CNTLN: variants seen among roughly 807,000 people sequenced by gnomAD.
The protein encoded by CNTLN is centlein.
CNTLN carries 212 observed loss-of-function variants against 180.0 expected under a neutral mutation model. The ratio of observed to expected loss-of-function variants is 1.18; its 90% CI spans 1.05 to 1.32. The LOEUF (loss-of-function observed/expected upper bound fraction) is 1.32. Ranked by LOEUF, CNTLN falls within the 40% of genes most tolerant of loss-of-function variation. The pLI is 0.00. For synonymous variants in CNTLN, 722 were observed against 563.1 expected (o/e 1.28, Z -3.99); for missense variants, 2,095 against 1,610.9 (o/e 1.30, Z -5.14).
At chr9:17,504,208 T>C (rs1833888011), downstream of CNTLN, among the ~76,000 whole-genome samples, 1 of 152,194 alleles carries the variant, frequency 6.6e-6, no homozygotes, top group Non-Finnish European at 1.5e-5. Context: ...GATTTTGTTA[T>C]TGAATTGGAT....
intron 2 of CNTLN, among the ~76,000 whole-genome samples, chr9:17,218,178 T>C (rs1823889990): frequency 6.6e-6 from 1 of 152,166 alleles, no homozygotes; most frequent in African/African-American, 2.4e-5. Context: ...TACTGGAAAT[T>C]AAATATAATA....
At chr9:17,156,019 C>G (rs996839544) in intron 2 of CNTLN, among the ~76,000 whole-genome samples, 2 of 152,170 alleles carry the variant, frequency 1.3e-5, no homozygotes, top group African/African-American at 4.8e-5. Context: ...CCAGGTGAGG[C>G]GGTGCCCCAC....
At chr9:17,169,898 T>C (rs1281249203) in intron 2 of CNTLN, among the ~76,000 whole-genome samples, 2 of 152,204 alleles carry the variant, frequency 1.3e-5, no homozygotes, top group African/African-American at 4.8e-5. Flanking sequence ...TGCAGTTCCA[T>C]ATGAATTTTA....
At position 17,249,345 on chromosome 9, in the gene CNTLN, G is replaced by GTTTTTTTTTTTTTTTTTTTTTTTTTTTTT. The variant is rs558059269; in HGVS notation, c.849+12765_849+12766insTTTTTTTTTTTTTTTTTTTTTTTTTTTTT. On this transcript the variant is annotated intron_variant, in intron 5 of 25. Transcript: ENST00000380647. ...TCTTTGATCCATTGGTTCTTTGATT[G>GTTTTTTTTTTTTTTTTTTTTTTTTTTTTT]TTTTTTTTGTTTTTTTTTTTTGAGC... is the stretch of plus-strand genomic sequence containing the variant. Among the ~76,000 whole-genome samples the GTTTTTTTTTTTTTTTTTTTTTTTTTTTTT allele has an allele frequency of 4.0e-5, 5 of 124,914 alleles. 2 individuals are homozygous for GTTTTTTTTTTTTTTTTTTTTTTTTTTTTT. The highest frequency in any genetic ancestry group is 1.6e-4 in the Admixed American group (2 of 12,220). The allele number at this position is 124,914 out of a possible 152,430, so 81.9% of individuals were successfully genotyped here.
intron 2 of CNTLN, among the ~76,000 whole-genome samples, chr9:17,223,370 G>C (rs1210995043): frequency 6.6e-6 from 1 of 151,950 alleles, no homozygotes; most frequent in African/African-American, 2.4e-5. Context: ...ACTGATTCCA[G>C]ACTTTTTAAT....
intron 8 of CNTLN, among the ~76,000 whole-genome samples, chr9:17,312,524 C>A (rs1178208142): frequency 2.7e-5 from 4 of 148,504 alleles, no homozygotes; most frequent in Admixed American, 1.3e-4. Flanking sequence ...GTAGCTGGGA[C>A]TACAGGTGCC....
intron 24 of CNTLN, among the ~76,000 whole-genome samples, chr9:17,486,781 A>G (rs973577852): frequency 1.3e-5 from 2 of 152,156 alleles, no homozygotes; most frequent in Non-Finnish European, 2.9e-5. Context: ...ACTGTGAAGT[A>G]TATAAATATA....
chr9:17,213,962 T>C (rs1823530291), intron 2 of CNTLN, among the ~76,000 whole-genome samples: 1 of 152,188 alleles, frequency 6.6e-6, no homozygotes, highest in African/African-American at 2.4e-5. Flanking sequence ...GCAGGTGATA[T>C]GGGTCTTCTG....
At chr9:17,314,561 C>T (rs76653156) in intron 8 of CNTLN, among the ~76,000 whole-genome samples, 1 of 152,186 alleles carries the variant, frequency 6.6e-6, no homozygotes, top group Non-Finnish European at 1.5e-5. Context: ...TTGACTCTCT[C>T]TTTTCTGGAA....
At chr9:17,484,232 T>A in intron 23 of CNTLN, 63 bp from the exon 24 acceptor site, 1 of 1,272,328 alleles carries the variant, frequency 7.9e-7, no homozygotes, top group Non-Finnish European at 1.1e-6. Flanking sequence ...ATTTTTATGT[T>A]ATTACTGCTT....
At chr9:17,202,036 T>C (rs1025489199) in intron 2 of CNTLN, among the ~76,000 whole-genome samples, 2 of 152,238 alleles carry the variant, frequency 1.3e-5, no homozygotes, top group African/African-American at 2.4e-5. Flanking sequence ...ATGTTGTCTC[T>C]TTGTTCTCAT....
intron 7 of CNTLN, among the ~76,000 whole-genome samples, chr9:17,305,995 G>A (rs1204893461): frequency 6.6e-6 from 1 of 152,112 alleles, no homozygotes; most frequent in Non-Finnish European, 1.5e-5. Context: ...TGGATATTCA[G>A]TGCAAGACAT....
rs1020293444 is a variant in CNTLN at position 17,299,568 on chromosome 9, T to G, written c.1146+1216T>G. 3.8e-5 allele frequency: 37 copies of G among 985,256 alleles called. No individual in the cohort carries two copies. In the Admixed American group the frequency reaches 1.4e-3, roughly 38 times the overall value. 61.0% of individuals were successfully genotyped at this position (985,256 alleles called of 1,614,324 possible). Reference sequence around the variant, plus strand: ...TGTAACAGTGGTTTTCAGTGTGTGTTTTGTGTTGCCTTTGTGTTTTCCCAA... The same window carrying G: ...TGTAACAGTGGTTTTCAGTGTGTGTGTTGTGTTGCCTTTGTGTTTTCCCAA... On this transcript the variant is annotated intron_variant, in intron 7 of 25. Transcript: ENST00000380647.
intron 18 of CNTLN, among the ~76,000 whole-genome samples, chr9:17,426,502 C>A (rs1166167169): frequency 6.6e-6 from 1 of 151,720 alleles, no homozygotes; most frequent in African/African-American, 2.4e-5. Context: ...AGCTAAAGTC[C>A]AAAATTTTTG....
the CNTLN span, among the ~76,000 whole-genome samples, chr9:17,511,192 G>T: frequency 6.6e-6 from 1 of 152,118 alleles, no homozygotes; most frequent in East Asian, 1.9e-4. Flanking sequence ...TTTTTAGAAA[G>T]CATGGGATGA....
chr9:17,332,504 A>G, intron 9 of CNTLN, 101 bp from the exon 10 acceptor site: 14 of 1,107,254 alleles, frequency 1.3e-5, no homozygotes, highest in Non-Finnish European at 1.8e-5. Context: ...TTTTTTTATA[A>G]TTCATTATTA....
At chr9:17,161,075 C>A (rs184620852) in intron 2 of CNTLN, among the ~76,000 whole-genome samples, 316 of 152,068 alleles carry the variant, frequency 2.1e-3, no homozygotes, top group African/African-American at 7.1e-3. Flanking sequence ...ATTATTTGAT[C>A]TCTGGAAAAA....
intron 8 of CNTLN, among the ~76,000 whole-genome samples, chr9:17,317,827 A>G (rs1587638466): frequency 6.6e-6 from 1 of 152,074 alleles, no homozygotes; most frequent in African/African-American, 2.4e-5. Context: ...AGCTATGGGG[A>G]GAGGAGTGAA....
At chr9:17,239,669 T>C (rs1280376356) in intron 5 of CNTLN, among the ~76,000 whole-genome samples, 1 of 152,216 alleles carries the variant, frequency 6.6e-6, no homozygotes, top group Admixed American at 6.5e-5. Context: ...ACAGGCCTAA[T>C]GTCATGCTTT....
Sources: allele counts gnomAD v4.1 joint callset (sites outside exome capture counted in the v4.1 genomes callset), GRCh38; gene constraint gnomAD v4.1.1; transcripts MANE v1.5; gene names NCBI Gene and HGNC (gene_info 2026-07-23, HGNC 2026-07-21).